The following NKAIN2 variants were observed in gnomAD, a reference collection of about 807,000 sequenced individuals.
The protein encoded by NKAIN2 is sodium/potassium transporting ATPase interacting 2, also known as sodium/potassium-transporting ATPase subunit beta-1-interacting protein 2.
Under a neutral mutation model 32.6 loss-of-function variants are expected in NKAIN2, and 14 were observed. The ratio of observed to expected loss-of-function variants is 0.43; its 90% CI spans 0.28 to 0.67. NKAIN2 has a LOEUF of 0.67. Among genes scored for constraint, NKAIN2 ranks in the 30% least tolerant of loss-of-function variants. NKAIN2 has a pLI of 0.17. For missense variants in NKAIN2, 198 were observed against 258.3 expected (o/e 0.77, Z 1.60); for synonymous variants, 80 against 87.2 (o/e 0.92, Z 0.46).
At chr6:124,771,228 CTTA>C (rs1453650708) in intron 4 of NKAIN2, among the ~76,000 whole-genome samples, 3 of 152,050 alleles carry the variant, frequency 2.0e-5, no homozygotes, top group African/African-American at 7.2e-5. Context: ...GTGGATATGT[CTTA>C]TTTAGTTTAG....
At chr6:124,790,526 T>C (rs770446933) in intron 4 of NKAIN2, among the ~76,000 whole-genome samples, 23 of 152,082 alleles carry the variant, frequency 1.5e-4, no homozygotes, top group Non-Finnish European at 3.1e-4. Flanking sequence ...CCAAACTAGA[T>C]CAATTTGCAA....
At chr6:123,953,503 T>G (rs1187907616) in intron 1 of NKAIN2, among the ~76,000 whole-genome samples, 1 of 152,020 alleles carries the variant, frequency 6.6e-6, no homozygotes, top group East Asian at 1.9e-4. Flanking sequence ...CATGGTGGTG[T>G]TGTTAGTGGC....
chr6:124,506,293 T>G (rs1778478880), intron 3 of NKAIN2, among the ~76,000 whole-genome samples: 1 of 152,232 alleles, frequency 6.6e-6, no homozygotes, highest in African/African-American at 2.4e-5. Context: ...CTGGCCTTTT[T>G]ATATTGCCCT....
At chr6:124,708,316 G>GT (rs1386034705) in intron 4 of NKAIN2, among the ~76,000 whole-genome samples, 1 of 151,792 alleles carries the variant, frequency 6.6e-6, no homozygotes, top group African/African-American at 2.4e-5. Context: ...GATTGCCTTG[G>GT]TGAAGCGGGC....
intron 1 of NKAIN2, among the ~76,000 whole-genome samples, chr6:124,224,458 G>T (rs1792004138): frequency 1.3e-5 from 2 of 152,088 alleles, no homozygotes; most frequent in African/African-American, 4.8e-5. Context: ...AGAATTAGAT[G>T]ATTTCCCTTT....
chr6:124,461,124 C>G (rs1211083827), intron 3 of NKAIN2, among the ~76,000 whole-genome samples: 5 of 151,788 alleles, frequency 3.3e-5, no homozygotes, highest in Admixed American at 3.3e-4. Context: ...CAAAATGTGT[C>G]TTTATACTAT....
intron 1 of NKAIN2, among the ~76,000 whole-genome samples, chr6:124,223,081 C>T (rs575481268): frequency 1.6e-4 from 24 of 151,694 alleles, no homozygotes; most frequent in Middle Eastern, 3.4e-3. Context: ...GGCATGGTGG[C>T]GGGCACCTGT....
chr6:124,176,117 T>C (rs1036559364), intron 1 of NKAIN2, among the ~76,000 whole-genome samples: 8 of 152,196 alleles, frequency 5.3e-5, no homozygotes, highest in African/African-American at 1.9e-4. Context: ...AGGGTTATAC[T>C]ATACTGTAGT....
intron 1 of NKAIN2, among the ~76,000 whole-genome samples, chr6:124,272,618 C>A (rs928557103): frequency 6.6e-6 from 1 of 152,232 alleles, no homozygotes; most frequent in Non-Finnish European, 1.5e-5. Context: ...AGAGTACCCA[C>A]TGGCCCACTG....
intron 1 of NKAIN2, among the ~76,000 whole-genome samples, chr6:124,205,375 C>A (rs1324603242): frequency 6.6e-6 from 1 of 151,506 alleles, no homozygotes; most frequent in African/African-American, 2.4e-5. Context: ...AAAAAAATCT[C>A]TTAATTTGTC....
chr6:124,104,225 C>G (rs1293816889), intron 1 of NKAIN2, among the ~76,000 whole-genome samples: 1 of 152,146 alleles, frequency 6.6e-6, no homozygotes. Flanking sequence ...AAATTTATAA[C>G]CTTTTTTGTC....
At chr6:124,019,318 A>G (rs751230827) in intron 1 of NKAIN2, among the ~76,000 whole-genome samples, 41 of 152,290 alleles carry the variant, frequency 2.7e-4, no homozygotes, top group African/African-American at 3.8e-4. Flanking sequence ...TCCTGCATTT[A>G]TATGTAGCTC....
intron 1 of NKAIN2, among the ~76,000 whole-genome samples, chr6:124,192,374 T>A (rs1358241719): frequency 6.6e-6 from 1 of 152,222 alleles, no homozygotes; most frequent in Non-Finnish European, 1.5e-5. Flanking sequence ...AGTGGCATGT[T>A]ATTTACAAAT....
intron 3 of NKAIN2, among the ~76,000 whole-genome samples, chr6:124,421,606 A>T (rs1774754981): frequency 6.6e-6 from 1 of 152,200 alleles, no homozygotes; most frequent in South Asian, 2.1e-4. Context: ...ACTAGCAAAG[A>T]TAATCACTTG....
At chr6:124,024,004 A>G (rs966191342) in intron 1 of NKAIN2, among the ~76,000 whole-genome samples, 2 of 152,198 alleles carry the variant, frequency 1.3e-5, no homozygotes, top group Non-Finnish European at 2.9e-5. Context: ...AGAATTGTTA[A>G]ATAGTTAAAA....
intron 1 of NKAIN2, among the ~76,000 whole-genome samples, chr6:124,015,433 A>T (rs1416455407): frequency 6.6e-6 from 1 of 152,168 alleles, no homozygotes; most frequent in Non-Finnish European, 1.5e-5. Flanking sequence ...CTGAATTTTA[A>T]TTCTTCATTC....
intron 3 of NKAIN2, among the ~76,000 whole-genome samples, chr6:124,613,257 C>CTGA (rs1438743529): frequency 6.6e-6 from 1 of 152,174 alleles, no homozygotes; most frequent in African/African-American, 2.4e-5. Context: ...TTATCTTACC[C>CTGA]TGATGCTATT....
chr6:124,596,733 A>G (rs1021319383), intron 3 of NKAIN2, among the ~76,000 whole-genome samples: 22 of 151,960 alleles, frequency 1.4e-4, no homozygotes, highest in African/African-American at 4.6e-4. Context: ...AAATAAATAT[A>G]AATCTATATA....
intron 4 of NKAIN2, among the ~76,000 whole-genome samples, chr6:124,783,972 T>G (rs902505105): frequency 3.3e-5 from 5 of 152,260 alleles, no homozygotes; most frequent in African/African-American, 1.2e-4. Flanking sequence ...GAGATAATTG[T>G]GGGTAAAAAG....
Sources: gnomAD v4.1 joint callset for allele counts (sites outside exome capture counted in the v4.1 genomes callset) on GRCh38, gnomAD v4.1.1 for gene constraint, MANE v1.5 for transcripts, NCBI Gene and HGNC (gene_info 2026-07-23, HGNC 2026-07-21) for gene names.